CHST11: variants seen among roughly 807,000 people sequenced by gnomAD.
CHST11 encodes the protein C4S-1.
A neutral mutation model predicts 30.4 loss-of-function variants in CHST11; 9 were observed. The ratio of observed to expected loss-of-function variants is 0.30; its 90% CI spans 0.18 to 0.52. The LOEUF is 0.52. Among genes scored for constraint, CHST11 ranks in the 20% least tolerant of loss-of-function variants. The pLI, the probability that CHST11 is intolerant of heterozygous loss-of-function variation, is 0.97. For missense variants in CHST11, 348 were observed against 460.6 expected, an observed-to-expected ratio of 0.76 and a Z score of 2.24; for synonymous variants, 152 against 187.8, an observed-to-expected ratio of 0.81 and a Z score of 1.56.
chr12:104,700,657 A>C (rs1181805645), intron 2 of CHST11, among the ~76,000 whole-genome samples: 1 of 152,226 alleles, frequency 6.6e-6, no homozygotes, highest in Non-Finnish European at 1.5e-5. Flanking sequence ...CTGGTAATAC[A>C]TTCATATTGC....
At chr12:104,730,077 C>G (rs1049778687) in intron 2 of CHST11, among the ~76,000 whole-genome samples, 3 of 152,226 alleles carry the variant, frequency 2.0e-5, no homozygotes, top group Non-Finnish European at 4.4e-5. Flanking sequence ...ACACTGAAAA[C>G]AGAGACAGTA....
At chr12:104,518,951 C>G (rs954323337) in intron 1 of CHST11, among the ~76,000 whole-genome samples, 1 of 146,190 alleles carries the variant, frequency 6.8e-6, no homozygotes, top group Admixed American at 6.9e-5. Context: ...TTCTTAAAAT[C>G]TTTTCTTTTT....
chr12:104,521,357 G>A lies in CHST11; in HGVS notation c.118+63828G>A, dbSNP rs534178506. On this transcript the variant is annotated intron_variant, in intron 1 of 2. Transcript: ENST00000303694. ...GGTTTTTCTCCCTTCTTTGTGGTCC[G>A]CGTTTTGGGATTAAATCCCCCTGCA... Among the ~76,000 whole-genome samples, 146 of 152,288 alleles carry A rather than the reference G, an allele frequency of 9.6e-4. 2 individuals are homozygous for A. The highest frequency in any genetic ancestry group is 3.2e-3 in the African/African-American group (133 of 41,548).
In CHST11 at chr12:104,621,987, C is replaced by T. The variant is rs548007678; in HGVS notation, c.204+19996C>T. ...ATGGTTGTGGTGATACTGCCTTTTTCAGAATTGTTTTGAGGATCAAGTGAG... is the reference window on the plus strand; with the variant it reads ...ATGGTTGTGGTGATACTGCCTTTTTTAGAATTGTTTTGAGGATCAAGTGAG... On this transcript the variant is annotated intron_variant, in intron 2 of 2. Coordinates refer to ENST00000303694, the MANE Select transcript of CHST11 (RefSeq NM_018413.6). Among the ~76,000 whole-genome samples, 17 of 152,298 alleles carry T rather than the reference C, an allele frequency of 1.1e-4. No individual in the cohort carries two copies. The East Asian group carries it at 2.7e-3, about 24-fold the overall frequency.
At chr12:104,553,624 A>G (rs954489964) in intron 1 of CHST11, among the ~76,000 whole-genome samples, 4 of 151,024 alleles carry the variant, frequency 2.6e-5, no homozygotes, top group African/African-American at 9.9e-5. Flanking sequence ...GGGAAGTGCC[A>G]CACCCTTAAA....
chr12:104,534,403 G>A (rs1021742448), intron 1 of CHST11, among the ~76,000 whole-genome samples: 18 of 152,144 alleles, frequency 1.2e-4, no homozygotes, highest in Non-Finnish European at 1.8e-4. Flanking sequence ...CCTCAGAACC[G>A]GGCAAATAGA....
rs187777048 is a variant in CHST11, at chr12:104,494,721, C to T, written c.118+37192C>T. On this transcript the variant is annotated intron_variant, in intron 1 of 2. Coordinates refer to ENST00000303694, the MANE Select transcript of CHST11 (RefSeq NM_018413.6). Reference sequence around the variant, plus strand: ...GCGGGCTCACTGATTGACTCGGAGGCATCTAGAGTTCATTTTGTAAAACAC... The same window carrying T: ...GCGGGCTCACTGATTGACTCGGAGGTATCTAGAGTTCATTTTGTAAAACAC... Among the ~76,000 whole-genome samples the T allele has an allele frequency of 1.2e-4, 18 of 152,226 alleles. No homozygotes were observed. In the East Asian group the frequency reaches 3.1e-3, roughly 26 times the overall value.
intron 1 of CHST11, among the ~76,000 whole-genome samples, chr12:104,535,616 A>G (rs183103226): frequency 2.4e-4 from 37 of 152,302 alleles, no homozygotes; most frequent in African/African-American, 7.2e-4. Context: ...TCCCATTGCC[A>G]GGGTGGCTCA....
chr12:104,477,063 GA>G (rs1650114645), intron 1 of CHST11, among the ~76,000 whole-genome samples: 2 of 152,120 alleles, frequency 1.3e-5, no homozygotes, highest in African/African-American at 4.8e-5. Context: ...GGGATAGGGG[GA>G]TTCATGAATG....
At chr12:104,575,994 G>C (rs189559422) in intron 1 of CHST11, among the ~76,000 whole-genome samples, 1 of 151,590 alleles carries the variant, frequency 6.6e-6, no homozygotes, top group Non-Finnish European at 1.5e-5. Context: ...CATGGCCCTC[G>C]GGTGGGTGGG....
intron 1 of CHST11, among the ~76,000 whole-genome samples, chr12:104,495,230 T>C (rs1009783081): frequency 1.3e-5 from 2 of 152,236 alleles, no homozygotes; most frequent in African/African-American, 4.8e-5. Context: ...TTGATGGGCA[T>C]CTGGGTTGTT....
At chr12:104,471,358 C>T (rs879345708) in intron 1 of CHST11, among the ~76,000 whole-genome samples, 20 of 152,136 alleles carry the variant, frequency 1.3e-4, no homozygotes, top group Non-Finnish European at 2.4e-4. Context: ...GAAAATCCCC[C>T]TTTTTGGGAT....
chr12:104,629,143 A>T (rs577455944), intron 2 of CHST11, among the ~76,000 whole-genome samples: 60 of 152,360 alleles, frequency 3.9e-4, no homozygotes, highest in African/African-American at 1.4e-3. Context: ...CTGCATTTGT[A>T]TTCCAGCCCT....
chr12:104,606,255 G>A (rs939381750), intron 2 of CHST11, among the ~76,000 whole-genome samples: 7 of 151,862 alleles, frequency 4.6e-5, no homozygotes, highest in South Asian at 2.1e-4. Flanking sequence ...ACATGGTGGC[G>A]CCTCATTGGT....
chr12:104,509,894 A>G (rs972355480), intron 1 of CHST11, among the ~76,000 whole-genome samples: 1 of 152,234 alleles, frequency 6.6e-6, no homozygotes, highest in Non-Finnish European at 1.5e-5. Flanking sequence ...ACTGATGTGA[A>G]TAGCTTAGAG....
chr12:104,502,923 A>G (rs2037866068), intron 1 of CHST11, among the ~76,000 whole-genome samples: 1 of 152,210 alleles, frequency 6.6e-6, no homozygotes, highest in African/African-American at 2.4e-5. Flanking sequence ...AGTTCTGGTT[A>G]AAGTGCAGAT....
At chr12:104,655,277 G>A (rs73189347) in intron 2 of CHST11, among the ~76,000 whole-genome samples, 19,317 of 152,278 alleles carry the variant, frequency 0.13, 1,524 homozygotes, top group Middle Eastern at 0.2. Flanking sequence ...CCTTCGCGCC[G>A]GAGGCGCGGG....
chr12:104,748,067 G>A (rs377382833), intron 2 of CHST11, among the ~76,000 whole-genome samples: 3 of 152,170 alleles, frequency 2.0e-5, no homozygotes, highest in African/African-American at 4.8e-5. Context: ...CCCAGAGCCC[G>A]GAGCCATGTT....
chr12:104,735,362 G>C (rs2040291840), intron 2 of CHST11, among the ~76,000 whole-genome samples: 1 of 152,194 alleles, frequency 6.6e-6, no homozygotes, highest in African/African-American at 2.4e-5. Flanking sequence ...AAATATATTA[G>C]CTCTTCTGGT....
Sources: gnomAD v4.1 joint callset for allele counts (sites outside exome capture counted in the v4.1 genomes callset) on GRCh38, gnomAD v4.1.1 for gene constraint, MANE v1.5 for transcripts, NCBI Gene and HGNC (gene_info 2026-07-23, HGNC 2026-07-21) for gene names.